IRAK2: variants seen among roughly 807,000 people sequenced by gnomAD.
The protein encoded by IRAK2 is interleukin-1 receptor-associated kinase-like 2.
In IRAK2, 57 loss-of-function variants were observed where a neutral mutation model predicts 72.0. The ratio of observed to expected loss-of-function variants is 0.79; its 90% CI spans 0.64 to 0.99. The LOEUF is 0.99. Ranked by LOEUF, IRAK2 falls within the 50% of genes least tolerant of loss-of-function variation. IRAK2 has a pLI of 0.00. For missense variants in IRAK2, 790 were observed against 794.4 expected, an observed-to-expected ratio of 0.99 and a Z score of 0.07; for synonymous variants, 293 against 312.7, an observed-to-expected ratio of 0.94 and a Z score of 0.67.
chr3:10,194,734 C>A (rs1697237379), intron 2 of IRAK2, among the ~76,000 whole-genome samples: 1 of 152,190 alleles, frequency 6.6e-6, no homozygotes, highest in African/African-American at 2.4e-5. Flanking sequence ...CAGCTCAGAC[C>A]ATGCCGGCAG....
In IRAK2 at chr3:10,240,546, C is replaced by T. The variant is rs796118292; in HGVS notation, c.1765+1507C>T. On this transcript the variant is annotated intron_variant, in intron 12 of 12. Coordinates refer to ENST00000256458, the MANE Select transcript of IRAK2 (RefSeq NM_001570.4). ...AATAAAAAATTAGGAAGCCCCCCCC[C>T]CCCCCCCCCGCCTTTTTTTTTTTTT... Among the ~76,000 whole-genome samples the T allele has an allele frequency of 2.8e-4, 6 of 21,136 alleles. No homozygotes were observed. The South Asian group carries it at 0.012, about 43-fold the overall frequency. 13.9% of individuals were successfully genotyped at this position (21,136 alleles called of 152,430 possible). A position where few individuals can be genotyped will look rare whatever the true frequency, so the allele number is the denominator to read the frequency against.
At chr3:10,211,804 G>A (rs1215931711) in intron 4 of IRAK2, among the ~76,000 whole-genome samples, 7 of 152,180 alleles carry the variant, frequency 4.6e-5, no homozygotes, top group East Asian at 1.9e-4. Flanking sequence ...TAGGCCGGGC[G>A]CGGTGGCTCG....
rs769345895 is a variant in IRAK2, at chr3:10,239,027, C to G, written c.1753C>G (p.Pro585Ala). 1 of 1,602,184 alleles carries G rather than the reference C, an allele frequency of 6.2e-7. No homozygotes were observed. Among genetic ancestry groups the G allele is most frequent in the Non-Finnish European group, 8.5e-7 (1 of 1,173,694 alleles). ...SSSEACVGLE[P>A]PQDVTETSWQ... ...CTCTGAGGCCTGTGTTGGCCTGGAG[C>G]CTCCCCAGGATGGTAAGCCGGAAGT... The change falls in exon 12 of 13, where the codon CCT becomes GCT. Residue 585 changes from proline (P) to alanine (A), a missense_variant. Pro to Ala is a conservative substitution (Grantham distance 27). Coordinates refer to ENST00000256458, the MANE Select transcript of IRAK2 (RefSeq NM_001570.4).
intron 1 of IRAK2, among the ~76,000 whole-genome samples, chr3:10,165,855 T>C (rs927405813): frequency 5.3e-5 from 8 of 151,374 alleles, no homozygotes; most frequent in East Asian, 3.9e-4. Context: ...CTCAGCCTTC[T>C]GAGTAGCTGG....
At chr3:10,214,985 T>C (rs1265782709) in intron 6 of IRAK2, among the ~76,000 whole-genome samples, 1 of 151,972 alleles carries the variant, frequency 6.6e-6, no homozygotes, top group Admixed American at 6.6e-5. Flanking sequence ...TCCCAGCTAC[T>C]CAGGAGGCTG....
intron 1 of IRAK2, among the ~76,000 whole-genome samples, chr3:10,177,393 C>A (rs1351862020): frequency 1.3e-5 from 2 of 152,162 alleles, no homozygotes; most frequent in African/African-American, 4.8e-5. Context: ...CCTCACCTGA[C>A]TCACCCTCAT....
rs996461218 is a variant in IRAK2, at chr3:10,226,371, G to A, written c.1210G>A (p.Val404Met). The A allele has an allele frequency of 4.3e-6, 7 of 1,613,232 alleles. No individual in the cohort carries two copies. The highest frequency in any genetic ancestry group is 4.5e-5 in the East Asian group (2 of 44,866). Residue 404 changes from valine (V) to methionine (M), a missense_variant and splice_region_variant, in exon 10 of 13, where the codon GTG becomes ATG. Coordinates refer to ENST00000256458, the MANE Select transcript of IRAK2 (RefSeq NM_001570.4). ...CTAACTCACGTTCTGTTCTCTCCAG[G>A]TGTTGGCCGAGGTCCTCACGGGCAT... ...KRVDIFSCGI[V>M]LAEVLTGIPA...
In IRAK2 at chr3:10,200,361, G is replaced by C. The variant is rs187936109; in HGVS notation, c.278-8G>C. On this transcript the variant is annotated splice_region_variant and splice_polypyrimidine_tract_variant and intron_variant, in intron 2 of 12. Coordinates refer to ENST00000256458, the MANE Select transcript of IRAK2 (RefSeq NM_001570.4). ...ATAGTAATAACTTTCTTTCCACCTTGTTTTCAGGGAAACCGGCTCCTGAAA... is the reference window on the plus strand; with the variant it reads ...ATAGTAATAACTTTCTTTCCACCTTCTTTTCAGGGAAACCGGCTCCTGAAA... 1.1e-4 allele frequency: 168 copies of C among 1,576,040 alleles called. No individual in the cohort carries two copies. The African/African-American group carries it at 1.9e-3, about 18-fold the overall frequency.
At position 10,222,650 on chromosome 3, in the gene IRAK2, T is replaced by C. The variant is rs938626062; in HGVS notation, c.1028T>C (p.Leu343Pro). 2 of 1,614,126 alleles carry C rather than the reference T, an allele frequency of 1.2e-6. No homozygotes were observed. The highest frequency in any genetic ancestry group is 1.7e-6 in the Non-Finnish European group (2 of 1,179,972). ...CATTTCCACAGCTCTAATGTCTTGC[T>C]GGACCAAAATCTCACCCCCAAACTT... ...HSNVKSSNVL[L>P]DQNLTPKLAH... is the part of the protein sequence containing the mutation. The change falls in exon 9 of 13, where the codon CTG (leucine) becomes CCG (proline). Residue 343 changes from leucine to proline, a missense_variant. Coordinates refer to ENST00000256458, the MANE Select transcript of IRAK2 (RefSeq NM_001570.4).
chr3:10,227,680 TG>T (rs762502636), intron 10 of IRAK2, among the ~76,000 whole-genome samples: 1 of 151,024 alleles, frequency 6.6e-6, no homozygotes. Context: ...TTTTTGTTTT[TG>T]TTTTTGAGAC....
chr3:10,217,148 T>G, intron 7 of IRAK2, 100 bp downstream of exon 7: 1 of 812,874 alleles, frequency 1.2e-6, no homozygotes, highest in Non-Finnish European at 2.1e-6. Context: ...AGAGGGGCCA[T>G]CTAGGTGAGA....
chr3:10,222,671 A>G lies in IRAK2; in HGVS notation c.1049A>G (p.Lys350Arg). ...TTGCTGGACCAAAATCTCACCCCCA[A>G]ACTTGCTCACCCAATGGCTCATCTG... ...NVLLDQNLTP[K>R]LAHPMAHLCP... The change falls in exon 9 of 13, where the codon AAA (lysine) becomes AGA (arginine). Residue 350 changes from lysine (K) to arginine (R), a missense_variant. Transcript: ENST00000256458. The G allele has an allele frequency of 6.2e-7, 1 of 1,614,110 alleles. No homozygotes were observed. Among genetic ancestry groups the G allele is most frequent in the Non-Finnish European group, 8.5e-7 (1 of 1,180,008 alleles).
At chr3:10,181,837 GT>G (rs1307246494) in intron 2 of IRAK2, among the ~76,000 whole-genome samples, 2 of 152,088 alleles carry the variant, frequency 1.3e-5, no homozygotes, top group Non-Finnish European at 2.9e-5. Context: ...TCTCAAAACA[GT>G]TATGTAATCC....
intron 3 of IRAK2, among the ~76,000 whole-genome samples, chr3:10,208,786 T>C (rs1330375429): frequency 6.6e-6 from 1 of 151,734 alleles, no homozygotes; most frequent in Non-Finnish European, 1.5e-5. Flanking sequence ...AAAAAAAATC[T>C]TTTGTAGAAA....
chr3:10,186,016 G>A lies in IRAK2; in HGVS notation c.277+7996G>A, dbSNP rs557063782. ...TGTTGGGAGGCAGAGATTGCAATGA[G>A]CCAAGATTGTGCCACTGCACTTCAG... On this transcript the variant is annotated intron_variant, in intron 2 of 12. Transcript: ENST00000256458. Among the ~76,000 whole-genome samples, 41 of 151,734 alleles carry A rather than the reference G, an allele frequency of 2.7e-4. 2 individuals carry two copies. Among genetic ancestry groups the A allele is most frequent in the African/African-American group, 7.3e-4 (30 of 41,036 alleles).
chr3:10,239,013 G>T lies in IRAK2; in HGVS notation c.1739G>T (p.Cys580Phe), dbSNP rs1376748510. The T allele has an allele frequency of 1.2e-6, 2 of 1,609,200 alleles. No individual in the cohort carries two copies. The highest frequency in any genetic ancestry group is 2.7e-5 in the African/African-American group (2 of 74,808). ...GAGGCTGACTCCTCCTCTGAGGCCT[G>T]TGTTGGCCTGGAGCCTCCCCAGGAT... The part of the protein sequence containing the change: ...GREADSSSEA[C>F]VGLEPPQDVT... The change falls in exon 12 of 13, where the codon TGT (cysteine) becomes TTT (phenylalanine). Residue 580 changes from cysteine to phenylalanine, a missense_variant. By Grantham distance (205) the Cys-to-Phe change is radical (BLOSUM62 -2). Transcript: ENST00000256458.
Position 10,242,815 on chromosome 3 carries a change from T to G in IRAK2, c.*587T>G, listed in dbSNP as rs1263755377. On this transcript the variant is annotated 3_prime_UTR_variant, in exon 13 of 13. Coordinates refer to ENST00000256458, the MANE Select transcript of IRAK2 (RefSeq NM_001570.4). ...AGCCACTGTGCCTGGCCTGGAAGAC[T>G]TTCAACTTGTGTCTCAGTGCAGTTC... The G allele has an allele frequency of 1.3e-5, 2 of 152,234 alleles. No homozygotes were observed. The highest frequency in any genetic ancestry group is 2.4e-5 in the African/African-American group (1 of 41,434). 9.4% of individuals were successfully genotyped at this position (152,234 alleles called of 1,614,324 possible). A position where few individuals can be genotyped will look rare whatever the true frequency, so the allele number is the denominator to read the frequency against.
intron 12 of IRAK2, among the ~76,000 whole-genome samples, chr3:10,239,673 G>A (rs1698022192): frequency 6.6e-6 from 1 of 151,990 alleles, no homozygotes; most frequent in African/African-American, 2.4e-5. Context: ...GTTGCAGTGA[G>A]CCAAGATTGT....
At chr3:10,239,524 A>G (rs1698019262) in intron 12 of IRAK2, among the ~76,000 whole-genome samples, 1 of 151,434 alleles carries the variant, frequency 6.6e-6, no homozygotes, top group South Asian at 2.1e-4. Flanking sequence ...CCTGAGATCG[A>G]GACCAGCCTG....
Sources: allele counts gnomAD v4.1 joint callset (sites outside exome capture counted in the v4.1 genomes callset), GRCh38; gene constraint gnomAD v4.1.1; transcripts MANE v1.5; gene names NCBI Gene and HGNC (gene_info 2026-07-23, HGNC 2026-07-21).